NFIB: variants seen among roughly 807,000 people sequenced by gnomAD.
NFIB encodes the protein nuclear factor 1 B-type.
A neutral mutation model predicts 61.5 loss-of-function variants in NFIB; 11 were observed. The observed-to-expected ratio is 0.18, with a 90% CI of 0.11 to 0.30. The LOEUF (loss-of-function observed/expected upper bound fraction) is 0.30, where lower values mean the gene tolerates loss of function less well. Ranked by LOEUF, NFIB falls within the 10% of genes least tolerant of loss-of-function variation. The probability of loss-of-function intolerance (pLI) is 1.00; values close to 1 mark genes in which losing one functional copy is unlikely to be tolerated. For synonymous variants in NFIB, 260 were observed against 216.5 expected, an observed-to-expected ratio of 1.20 and a Z score of -1.76; for missense variants, 471 against 608.9, an observed-to-expected ratio of 0.77 and a Z score of 2.38.
chr9:14,409,843 T>G, the NFIB span, among the ~76,000 whole-genome samples: 1 of 152,110 alleles, frequency 6.6e-6, no homozygotes, highest in African/African-American at 2.4e-5. Context: ...TTATAAACAA[T>G]TAAAAGAACA....
chr9:14,520,800 G>A, the NFIB span, among the ~76,000 whole-genome samples: 1 of 152,162 alleles, frequency 6.6e-6, no homozygotes, highest in South Asian at 2.1e-4. Flanking sequence ...GTGCATTTCA[G>A]GTACTAAGGG....
chr9:14,125,902 T>A, intron 6 of NFIB, 136 bp from the exon 7 acceptor site: 1 of 1,170,272 alleles, frequency 8.5e-7, no homozygotes, highest in Non-Finnish European at 1.2e-6. Context: ...ATATTCTGAG[T>A]GTCAACGATC....
chr9:14,122,574 C>T (rs564399954), intron 7 of NFIB, among the ~76,000 whole-genome samples: 1 of 151,902 alleles, frequency 6.6e-6, no homozygotes, highest in Non-Finnish European at 1.5e-5. Context: ...AGAAGTATAC[C>T]CATTTGAAAG....
chr9:14,496,303 T>C, the NFIB span, among the ~76,000 whole-genome samples: 2 of 152,188 alleles, frequency 1.3e-5, no homozygotes, highest in Admixed American at 1.3e-4. Context: ...TAACCTGAAG[T>C]TAATTTTATT....
intron 10 of NFIB, among the ~76,000 whole-genome samples, chr9:14,090,284 T>C (rs765596382): frequency 6.6e-6 from 1 of 152,132 alleles, no homozygotes; most frequent in Non-Finnish European, 1.5e-5. Flanking sequence ...CTCTTAAGAA[T>C]ACTTGTTATT....
At chr9:14,440,750 C>T in the NFIB span, among the ~76,000 whole-genome samples, 2 of 152,198 alleles carry the variant, frequency 1.3e-5, no homozygotes, top group African/African-American at 4.8e-5. Context: ...AGAGAATTAA[C>T]ACTACATTAC....
chr9:14,086,009 T>G lies in NFIB; in HGVS notation c.*2300A>C. 4.4e-6 allele frequency: 1 copy of G among 229,598 alleles called. No individual in the cohort carries two copies. The highest frequency in any genetic ancestry group is 8.7e-6 in the Non-Finnish European group (1 of 115,514). 14.2% of individuals were successfully genotyped at this position (229,598 alleles called of 1,614,324 possible). A position where few individuals can be genotyped will look rare whatever the true frequency, so the allele number is the denominator to read the frequency against. ...TATCACCAAGCCAAGTCTGCCTTTT[T>G]AAGCCAAGTCTGCCTCCAGGAGAAT... On this transcript the variant is annotated 3_prime_UTR_variant, in exon 11 of 11. Coordinates refer to ENST00000380953, the MANE Select transcript of NFIB (RefSeq NM_001190737.2).
At chr9:14,353,310 T>G (rs1474719597) in intron 1 of NFIB, among the ~76,000 whole-genome samples, 3 of 152,142 alleles carry the variant, frequency 2.0e-5, no homozygotes, top group Non-Finnish European at 4.4e-5. Context: ...ACAGTTCTTC[T>G]GGGAAGCTGG....
the NFIB span, among the ~76,000 whole-genome samples, chr9:14,446,448 A>G: frequency 6.6e-6 from 1 of 152,002 alleles, no homozygotes; most frequent in East Asian, 1.9e-4. Flanking sequence ...TTGTTATCTT[A>G]TGCTTCTTTC....
At chr9:14,397,156 C>T (rs1197883600) in intron 1 of NFIB, among the ~76,000 whole-genome samples, 1 of 152,000 alleles carries the variant, frequency 6.6e-6, no homozygotes, top group Non-Finnish European at 1.5e-5. Context: ...ATTAGATGGG[C>T]AATAGTGGAA....
intron 2 of NFIB, among the ~76,000 whole-genome samples, chr9:14,296,475 G>C (rs573140950): frequency 2.0e-5 from 3 of 152,190 alleles, no homozygotes; most frequent in Non-Finnish European, 4.4e-5. Flanking sequence ...AAATTCCTAC[G>C]TTGAAATCCT....
intron 7 of NFIB, among the ~76,000 whole-genome samples, chr9:14,124,704 G>C (rs908917919): frequency 6.6e-6 from 1 of 152,036 alleles, no homozygotes; most frequent in African/African-American, 2.4e-5. Context: ...TTAATTATTA[G>C]CTGTATCTCA....
At chr9:14,289,692 A>G (rs1446258624) in intron 2 of NFIB, among the ~76,000 whole-genome samples, 1 of 152,034 alleles carries the variant, frequency 6.6e-6, no homozygotes, top group African/African-American at 2.4e-5. Context: ...GATAAGGATT[A>G]TTATCCAGGG....
intron 4 of NFIB, among the ~76,000 whole-genome samples, chr9:14,153,712 G>C (rs937059860): frequency 3.9e-5 from 6 of 152,124 alleles, no homozygotes; most frequent in African/African-American, 1.4e-4. Flanking sequence ...CTAGAGGACT[G>C]AAAGCACTAG....
chr9:14,183,794 C>G (rs545410731), intron 2 of NFIB, among the ~76,000 whole-genome samples: 1 of 152,104 alleles, frequency 6.6e-6, no homozygotes, highest in African/African-American at 2.4e-5. Context: ...CATTCTCTTC[C>G]ACCTCTCATT....
intron 6 of NFIB, among the ~76,000 whole-genome samples, chr9:14,126,559 A>G (rs1301208727): frequency 3.3e-5 from 5 of 152,232 alleles, no homozygotes; most frequent in Non-Finnish European, 7.3e-5. Flanking sequence ...ATTCTCAGAG[A>G]GGAAATACTC....
intron 10 of NFIB, among the ~76,000 whole-genome samples, chr9:14,099,157 A>G (rs2035339448): frequency 6.6e-6 from 1 of 152,254 alleles, no homozygotes; most frequent in African/African-American, 2.4e-5. Context: ...ATCAAAATAA[A>G]GCAAAACCAA....
chr9:14,436,072 G>A, the NFIB span, among the ~76,000 whole-genome samples: 14 of 152,288 alleles, frequency 9.2e-5, 1 homozygote, highest in South Asian at 6.2e-4. Flanking sequence ...CCTGCTCTCT[G>A]TCTCCTCACT....
chr9:14,511,576 T>C, the NFIB span, among the ~76,000 whole-genome samples: 17 of 152,300 alleles, frequency 1.1e-4, no homozygotes, highest in African/African-American at 3.8e-4. Context: ...AAACTGAAAC[T>C]CAGAGAAGCT....
Sources: gnomAD v4.1 joint callset for allele counts (sites outside exome capture counted in the v4.1 genomes callset) on GRCh38, gnomAD v4.1.1 for gene constraint, MANE v1.5 for transcripts, NCBI Gene and HGNC (gene_info 2026-07-23, HGNC 2026-07-21) for gene names.